TFG: variants seen among roughly 807,000 people sequenced by gnomAD.
The protein encoded by TFG is trafficking from ER to golgi regulator.
In TFG, 22 loss-of-function variants were observed where a neutral mutation model predicts 51.4. The observed-to-expected ratio is 0.43, with a 90% CI of 0.31 to 0.61. The LOEUF (loss-of-function observed/expected upper bound fraction) is 0.61. Ranked by LOEUF, TFG falls within the 20% of genes least tolerant of loss-of-function variation. The pLI, the probability that TFG is intolerant of heterozygous loss-of-function variation, is 0.12. For synonymous variants in TFG, 187 were observed against 165.6 expected, an observed-to-expected ratio of 1.13 and a Z score of -0.99; for missense variants, 419 against 487.7, an observed-to-expected ratio of 0.86 and a Z score of 1.33.
At chr3:100,746,231 C>T (rs779907886) in intron 7 of TFG, among the ~76,000 whole-genome samples, 8 of 152,108 alleles carry the variant, frequency 5.3e-5, no homozygotes, top group East Asian at 3.9e-4. Context: ...CTCGGGATTT[C>T]GGTCCTCACT....
At chr3:100,728,289 A>G (rs1028552061) in intron 3 of TFG, among the ~76,000 whole-genome samples, 2 of 151,918 alleles carry the variant, frequency 1.3e-5, no homozygotes, top group Non-Finnish European at 2.9e-5. Flanking sequence ...TATTTTAAGA[A>G]TAGCGTGAAA....
In TFG at chr3:100,727,454, C is replaced by T. The variant is rs577352514; in HGVS notation, c.269-1258C>T. On this transcript the variant is annotated intron_variant, in intron 3 of 7. Transcript: ENST00000240851. ...GAATCGCCCTGAACTTTTATTTTCA[C>T]GTAGATGTCCTTTTCTAATTAGGTG... Among the ~76,000 whole-genome samples, 5 of 152,262 alleles carry T rather than the reference C, an allele frequency of 3.3e-5. No individual in the cohort carries two copies. The East Asian group carries it at 5.8e-4, about 18-fold the overall frequency.
At chr3:100,744,980 C>T (rs766430750) in intron 7 of TFG, 49 bp downstream of exon 7, 1 of 1,177,746 alleles carries the variant, frequency 8.5e-7, no homozygotes, top group South Asian at 1.6e-5. Flanking sequence ...TGTTTCTATA[C>T]TCATTAAACT....
At chr3:100,731,910 A>G (rs2095092683) in intron 4 of TFG, among the ~76,000 whole-genome samples, 1 of 152,190 alleles carries the variant, frequency 6.6e-6, no homozygotes, top group Non-Finnish European at 1.5e-5. Context: ...GCATTTTAAT[A>G]AGTATTTTAA....
rs2095023187 is a variant in TFG at position 100,709,581 on chromosome 3, C to G, written c.-184C>G. 1 of 151,762 alleles carries G rather than the reference C, an allele frequency of 6.6e-6. No individual in the cohort carries two copies. Among genetic ancestry groups the G allele is most frequent in the Non-Finnish European group, 1.5e-5 (1 of 67,964 alleles). The allele number at this position is 151,762 out of a possible 1,614,324, so 9.4% of individuals were successfully genotyped here. ...ATTGGCCGGGGCCCGCGCGAGCCTG[C>G]GAGCGAGGTGCGGCGGTCGCGAAGG... On this transcript the variant is annotated 5_prime_UTR_variant, in exon 1 of 8. Transcript: ENST00000240851.
chr3:100,748,384 C>T lies in TFG; in HGVS notation c.1056C>T (p.Ser352=), dbSNP rs2149106566. 5 of 1,614,140 alleles carry T rather than the reference C, an allele frequency of 3.1e-6. No individual in the cohort carries two copies. The highest frequency in any genetic ancestry group is 2.5e-6 in the Non-Finnish European group (3 of 1,180,000). The part of the protein sequence containing the change: ...APASQPGMAP[S]QPGAYQPRPG... ...CCTCTCAACCTGGAATGGCTCCAAG[C>T]CAACCTGGGGCCTATCAACCAAGAC... The change falls in exon 8 of 8, where the codon AGC becomes AGT. Residue 352 remains serine, a synonymous_variant. Transcript: ENST00000240851.
intron 3 of TFG, among the ~76,000 whole-genome samples, chr3:100,726,706 T>TA (rs1239665075): frequency 4.6e-5 from 7 of 152,320 alleles, no homozygotes; most frequent in Admixed American, 4.6e-4. Flanking sequence ...TTTACTGACT[T>TA]ACTGCAGCAA....
intron 2 of TFG, 138 bp downstream of exon 2, chr3:100,714,007 C>T (rs965019415): frequency 3.7e-5 from 17 of 457,612 alleles, no homozygotes; most frequent in Non-Finnish European, 7.4e-6. Flanking sequence ...CTCAAGCAAT[C>T]CTGCCTCGGC....
intron 6 of TFG, 56 bp downstream of exon 6, chr3:100,736,772 T>TAC: frequency 6.4e-7 from 1 of 1,565,220 alleles, no homozygotes; most frequent in Non-Finnish European, 8.8e-7. Context: ...AAGTGTTTAT[T>TAC]ACAGCATTGT....
Position 100,713,848 on chromosome 3 carries a change from A to G in TFG, c.163A>G (p.Thr55Ala). ...RGKLLSNDEVTIKYKDEDGDL... is the reference protein window; with the variant it reads ...RGKLLSNDEVAIKYKDEDGDL... ...AAAACTTCTGAGTAATGATGAAGTA[A>G]CAATAAAGTATAAAGATGAAGGTAA... Residue 55 changes from threonine to alanine, a missense_variant, in exon 2 of 8, where the codon ACA (threonine) becomes GCA (alanine). Around this residue, in one of 3 missense-constraint regions of TFG, gnomAD observed 391 missense variants for 434.4 expected, o/e 0.90. Transcript: ENST00000240851. The G allele has an allele frequency of 6.4e-7, 1 of 1,564,050 alleles. No homozygotes were observed.
At chr3:100,744,798 C>T in intron 6 of TFG, 35 bp from the exon 7 acceptor site, 1 of 1,458,848 alleles carries the variant, frequency 6.9e-7, no homozygotes, top group Non-Finnish European at 9.6e-7. Flanking sequence ...TTAAACATGC[C>T]TTTTTTCCTT....
intron 6 of TFG, among the ~76,000 whole-genome samples, chr3:100,739,798 A>G (rs1383725008): frequency 1.3e-5 from 2 of 152,142 alleles, no homozygotes; most frequent in East Asian, 1.9e-4. Context: ...GTATTTCAGT[A>G]TATATGTCCA....
chr3:100,716,859 T>C (rs1277756439), intron 2 of TFG, among the ~76,000 whole-genome samples: 3 of 152,208 alleles, frequency 2.0e-5, no homozygotes, highest in African/African-American at 7.2e-5. Flanking sequence ...GAAATGTCTG[T>C]TCAGATCATT....
intron 6 of TFG, among the ~76,000 whole-genome samples, chr3:100,739,905 T>C (rs2095116682): frequency 6.6e-6 from 1 of 152,124 alleles, no homozygotes; most frequent in African/African-American, 2.4e-5. Context: ...GTTGCCCAGG[T>C]TGGAGTGTAC....
intron 2 of TFG, among the ~76,000 whole-genome samples, chr3:100,717,111 G>A (rs779462910): frequency 3.3e-5 from 5 of 152,146 alleles, no homozygotes; most frequent in East Asian, 1.9e-4. Context: ...ATCTTTTCCC[G>A]ACCTATTAAA....
chr3:100,745,590 C>G (rs763475850), intron 7 of TFG, among the ~76,000 whole-genome samples: 4 of 152,060 alleles, frequency 2.6e-5, no homozygotes, highest in Non-Finnish European at 4.4e-5. Context: ...GGCTATAATT[C>G]CAGTATTTTT....
At chr3:100,748,017 A>G (rs1049673327) in intron 7 of TFG, 132 bp from the exon 8 acceptor site, 29 of 791,496 alleles carry the variant, frequency 3.7e-5, no homozygotes, top group Non-Finnish European at 5.9e-5. Context: ...GATGGAATCT[A>G]CCACTCTGCT....
rs567204327 is a variant in TFG, at chr3:100,710,299, A to G, written c.-44+578A>G. 4.6e-5 allele frequency: 7 copies of G among 152,342 alleles called. No homozygotes were observed. In the East Asian group the frequency reaches 7.7e-4, roughly 17 times the overall value. The allele number at this position is 152,342 out of a possible 1,614,324, so 9.4% of individuals were successfully genotyped here. ...GTTTGCTTTGCTGGACACTACAGTA[A>G]GTATTTTGGATGCACTGTCTCATTT... On this transcript the variant is annotated intron_variant, in intron 1 of 7. Coordinates refer to ENST00000240851, the MANE Select transcript of TFG (RefSeq NM_006070.6).
At chr3:100,722,012 G>C (rs1028137790) in intron 3 of TFG, among the ~76,000 whole-genome samples, 4 of 152,168 alleles carry the variant, frequency 2.6e-5, no homozygotes, top group Admixed American at 2.6e-4. Flanking sequence ...TTAGCCAGCT[G>C]TAGTGGTGTG....
Sources: gnomAD v4.1 joint callset for allele counts (sites outside exome capture counted in the v4.1 genomes callset) on GRCh38, gnomAD v4.1.1 for gene constraint, gnomAD v4.1.1 regional missense constraint, MANE v1.5 for transcripts, NCBI Gene and HGNC (gene_info 2026-07-23, HGNC 2026-07-21) for gene names.